The following MYO5B variants were observed in gnomAD, a reference collection of about 807,000 sequenced individuals.
The protein encoded by MYO5B is myosin VB, also known as unconventional myosin-Vb.
MYO5B carries 143 observed loss-of-function variants against 229.3 expected under a neutral mutation model. The observed-to-expected ratio is 0.62, with a 90% CI of 0.54 to 0.72. MYO5B has a LOEUF of 0.72. MYO5B is among the 30% of genes least tolerant of loss of function. The pLI, the probability that MYO5B is intolerant of heterozygous loss-of-function variation, is 0.00. For synonymous variants in MYO5B, 918 were observed against 885.2 expected, an observed-to-expected ratio of 1.04 and a Z score of -0.66; for missense variants, 2,321 against 2,331.0, an observed-to-expected ratio of 1.00 and a Z score of 0.09.
chr18:50,102,549 G>T (rs1439997840), intron 1 of MYO5B, among the ~76,000 whole-genome samples: 1 of 152,076 alleles, frequency 6.6e-6, no homozygotes, highest in African/African-American at 2.4e-5. Flanking sequence ...ACTAATGCCA[G>T]ACAAAGAGTT....
intron 10 of MYO5B, among the ~76,000 whole-genome samples, chr18:49,965,033 G>T (rs2025606492): frequency 6.6e-6 from 1 of 152,236 alleles, no homozygotes; most frequent in Non-Finnish European, 1.5e-5. Context: ...TTAGAGACCG[G>T]CAGGAGAACA....
chr18:49,904,405 C>T (rs2024876235), intron 20 of MYO5B, among the ~76,000 whole-genome samples: 1 of 152,200 alleles, frequency 6.6e-6, no homozygotes, highest in Non-Finnish European at 1.5e-5. Flanking sequence ...TTTCTGGCCA[C>T]CAGAATTGTG....
intron 1 of MYO5B, among the ~76,000 whole-genome samples, chr18:50,068,962 G>A (rs2030887738): frequency 6.6e-6 from 1 of 152,142 alleles, no homozygotes; most frequent in Admixed American, 6.5e-5. Flanking sequence ...TGGCTCAACA[G>A]ATAGGCCTCT....
intron 4 of MYO5B, among the ~76,000 whole-genome samples, chr18:50,024,801 A>G (rs1200228600): frequency 6.6e-6 from 1 of 152,184 alleles, no homozygotes; most frequent in African/African-American, 2.4e-5. Flanking sequence ...CTTCCCGAGT[A>G]TCTGCTGTGG....
At chr18:49,881,499 G>A (rs1291248610) in intron 22 of MYO5B, among the ~76,000 whole-genome samples, 1 of 152,170 alleles carries the variant, frequency 6.6e-6, no homozygotes, top group African/African-American at 2.4e-5. Flanking sequence ...TCAAAGAGGA[G>A]TAAGAATTAA....
At chr18:49,892,832 AGT>A (rs1221313409) in intron 22 of MYO5B, among the ~76,000 whole-genome samples, 2 of 152,024 alleles carry the variant, frequency 1.3e-5, no homozygotes, top group African/African-American at 4.8e-5. Flanking sequence ...TTGGTTTCTG[AGT>A]GTTTCTAAGT....
intron 17 of MYO5B, among the ~76,000 whole-genome samples, chr18:49,914,790 A>AG (rs1418569072): frequency 4.0e-4 from 61 of 151,760 alleles, no homozygotes; most frequent in African/African-American, 1.4e-3. Context: ...AAAAAAAAAA[A>AG]AAAGAAAAGA....
At chr18:50,160,598 G>A (rs992014956) in intron 1 of MYO5B, among the ~76,000 whole-genome samples, 2 of 152,158 alleles carry the variant, frequency 1.3e-5, no homozygotes, top group Non-Finnish European at 2.9e-5. Flanking sequence ...TGAAAGGTCA[G>A]GTAGCCATAT....
chr18:49,934,930 C>G lies in MYO5B; in HGVS notation c.2003+1322G>C, dbSNP rs1017663431. On this transcript the variant is annotated intron_variant, in intron 16 of 39. Transcript: ENST00000285039. ...GAAAGAAATTATACTAGGCCCGAAA[C>G]AGAAATCATGGGGAAGGAAAGATGG... Among the ~76,000 whole-genome samples, 48 of 152,030 alleles carry G rather than the reference C, an allele frequency of 3.2e-4. 1 individual carries two copies. The highest frequency in any genetic ancestry group is 8.8e-5 in the Non-Finnish European group (6 of 68,032).
intron 1 of MYO5B, among the ~76,000 whole-genome samples, chr18:50,180,895 A>AT: frequency 6.6e-6 from 1 of 152,302 alleles, no homozygotes; most frequent in East Asian, 1.9e-4. Flanking sequence ...GGCAGACCAC[A>AT]TCTCATTCAT....
chr18:49,899,178 G>A (rs995381002), intron 21 of MYO5B, among the ~76,000 whole-genome samples: 2 of 152,038 alleles, frequency 1.3e-5, no homozygotes, highest in African/African-American at 2.4e-5. Flanking sequence ...CTTGGTGTTC[G>A]CAGATCCTCC....
intron 1 of MYO5B, among the ~76,000 whole-genome samples, chr18:50,162,635 C>T (rs995908496): frequency 7.2e-5 from 11 of 152,336 alleles, no homozygotes; most frequent in South Asian, 2.1e-4. Context: ...CCTGAGCCCT[C>T]GACCACATCA....
intron 1 of MYO5B, among the ~76,000 whole-genome samples, chr18:50,178,377 T>C (rs2033026085): frequency 6.6e-6 from 1 of 152,210 alleles, no homozygotes; most frequent in South Asian, 2.1e-4. Context: ...AGCTCAGATA[T>C]TAACCACTGT....
chr18:50,163,597 C>T (rs1032605176), intron 1 of MYO5B, among the ~76,000 whole-genome samples: 1 of 152,214 alleles, frequency 6.6e-6, no homozygotes, highest in Admixed American at 6.5e-5. Context: ...GTGCTGGATA[C>T]TGTGGGAAAT....
intron 19 of MYO5B, among the ~76,000 whole-genome samples, chr18:49,905,741 A>C (rs1047282163): frequency 2.6e-5 from 4 of 152,148 alleles, no homozygotes; most frequent in Admixed American, 6.5e-5. Flanking sequence ...AACCGAGGGT[A>C]GGGTCAGAGG....
chr18:50,179,484 C>A (rs1447342752), intron 1 of MYO5B, among the ~76,000 whole-genome samples: 1 of 152,170 alleles, frequency 6.6e-6, no homozygotes, highest in East Asian at 1.9e-4. Flanking sequence ...AGGCTGCCTT[C>A]TACAAAAGCT....
At chr18:49,898,757 T>G (rs1043944240) in intron 21 of MYO5B, among the ~76,000 whole-genome samples, 1 of 152,210 alleles carries the variant, frequency 6.6e-6, no homozygotes, top group Non-Finnish European at 1.5e-5. Context: ...GCATAGAAAC[T>G]TGGTGCCAAA....
chr18:50,013,368 G>A (rs981160220), intron 4 of MYO5B, among the ~76,000 whole-genome samples: 1 of 152,130 alleles, frequency 6.6e-6, no homozygotes, highest in Non-Finnish European at 1.5e-5. Context: ...AGCACCTTAG[G>A]CTTCTGAGGC....
At chr18:50,181,618 T>C (rs2033075084) in intron 1 of MYO5B, among the ~76,000 whole-genome samples, 2 of 152,212 alleles carry the variant, frequency 1.3e-5, no homozygotes, top group Non-Finnish European at 2.9e-5. Context: ...GATGTATTGA[T>C]GAGCTACAGC....
Sources: allele counts gnomAD v4.1 joint callset (sites outside exome capture counted in the v4.1 genomes callset), GRCh38; gene constraint gnomAD v4.1.1; transcripts MANE v1.5; gene names NCBI Gene and HGNC (gene_info 2026-07-23, HGNC 2026-07-21).